Variants in GPD2 observed in about 807,000 individuals in gnomAD.
GPD2 encodes the protein glycerol-3-phosphate dehydrogenase 2.
Under a neutral mutation model 82.4 loss-of-function variants are expected in GPD2, and 54 were observed. The observed-to-expected ratio is 0.66, with a 90% CI of 0.53 to 0.82. GPD2 has a LOEUF of 0.82. Ranked by LOEUF, GPD2 falls within the 40% of genes least tolerant of loss-of-function variation. The pLI is 0.00. For missense variants in GPD2, 748 were observed against 896.2 expected, an observed-to-expected ratio of 0.83 and a Z score of 2.11; for synonymous variants, 288 against 306.1, an observed-to-expected ratio of 0.94 and a Z score of 0.62.
chr2:156,480,716 CT>C (rs1683696234), intron 2 of GPD2, among the ~76,000 whole-genome samples: 1 of 151,720 alleles, frequency 6.6e-6, no homozygotes, highest in Non-Finnish European at 1.5e-5. Flanking sequence ...TTTTTCCCCC[CT>C]GCACCATAAA....
chr2:156,420,700 A>G, the GPD2 span, among the ~76,000 whole-genome samples: 1 of 152,242 alleles, frequency 6.6e-6, no homozygotes, highest in Non-Finnish European at 1.5e-5. Flanking sequence ...CCTCCTATAA[A>G]GTCATTTACA....
At position 156,579,156 on chromosome 2, in the gene GPD2, G is replaced by T. The variant is rs1687935636; in HGVS notation, c.1951G>T (p.Val651Leu). ...GFITIVDVQR[V>L]LESINVQMDE... ...TATTACCATTGTTGATGTTCAGCGT[G>T]TATTAGAGGTAATTTTCTTTGGTTG... Residue 651 changes from valine (V) to leucine (L), a missense_variant, in exon 15 of 17, where the codon GTA becomes TTA. By Grantham distance (32) the Val-to-Leu change is conservative (BLOSUM62 1). Around this residue, in one of 3 missense-constraint regions of GPD2, gnomAD observed 692 missense variants for 809.7 expected, o/e 0.85. Coordinates refer to ENST00000438166, the MANE Select transcript of GPD2 (RefSeq NM_000408.5). 1 of 1,587,480 alleles carries T rather than the reference G, an allele frequency of 6.3e-7. No individual in the cohort carries two copies. Among genetic ancestry groups the T allele is most frequent in the African/African-American group, 1.3e-5 (1 of 74,338 alleles).
chr2:156,544,426 T>C (rs1686447771), intron 6 of GPD2, among the ~76,000 whole-genome samples: 1 of 152,174 alleles, frequency 6.6e-6, no homozygotes, highest in Non-Finnish European at 1.5e-5. Context: ...AGTGGGGCAC[T>C]GTGAGGACTC....
At chr2:156,424,999 G>GA in the GPD2 span, among the ~76,000 whole-genome samples, 3 of 150,816 alleles carry the variant, frequency 2.0e-5, no homozygotes, top group African/African-American at 7.3e-5. Context: ...TTAACACACT[G>GA]AAAAAAAACT....
At chr2:156,429,703 A>G in the GPD2 span, among the ~76,000 whole-genome samples, 57 of 152,348 alleles carry the variant, frequency 3.7e-4, no homozygotes, top group Middle Eastern at 0.01. Context: ...CAAGGATCAT[A>G]TATTTTCACT....
intron 1 of GPD2, among the ~76,000 whole-genome samples, chr2:156,465,415 G>A (rs1433083950): frequency 7.0e-6 from 1 of 142,958 alleles, no homozygotes; most frequent in African/African-American, 2.6e-5. Context: ...GTGCTGGAGT[G>A]CAGTGGTGCC....
chr2:156,433,637 T>C (rs1312394409), upstream of GPD2, among the ~76,000 whole-genome samples: 4 of 152,150 alleles, frequency 2.6e-5, no homozygotes, highest in Non-Finnish European at 5.9e-5. Context: ...ACTCTTGCAA[T>C]TCCCTTGTCT....
chr2:156,507,346 G>A (rs947434553), intron 3 of GPD2, among the ~76,000 whole-genome samples: 2 of 150,612 alleles, frequency 1.3e-5, no homozygotes, highest in African/African-American at 4.9e-5. Flanking sequence ...TTTTGAGATA[G>A]GGTCTCATTC....
chr2:156,406,003 A>G, the GPD2 span, among the ~76,000 whole-genome samples: 3 of 152,078 alleles, frequency 2.0e-5, no homozygotes, highest in Non-Finnish European at 4.4e-5. Flanking sequence ...CAGTTCAGAA[A>G]CAGAAATAGT....
intron 3 of GPD2, among the ~76,000 whole-genome samples, chr2:156,510,218 C>G (rs1292821054): frequency 6.6e-6 from 1 of 152,052 alleles, no homozygotes; most frequent in Admixed American, 6.6e-5. Flanking sequence ...AGAACTTATT[C>G]TCTTTCTTTC....
At chr2:156,512,393 C>T in intron 5 of GPD2, 76 bp downstream of exon 5, 1 of 788,632 alleles carries the variant, frequency 1.3e-6, no homozygotes, top group Non-Finnish European at 2.3e-6. Context: ...GGAAATAATC[C>T]CTCAATGCAT....
chr2:156,414,455 C>T, the GPD2 span, among the ~76,000 whole-genome samples: 1 of 152,048 alleles, frequency 6.6e-6, no homozygotes, highest in East Asian at 1.9e-4. Flanking sequence ...AAGATTAGGT[C>T]GGTTATCTGA....
chr2:156,431,885 C>CTTTT (rs34394250), upstream of GPD2, among the ~76,000 whole-genome samples: 9 of 119,948 alleles, frequency 7.5e-5, no homozygotes, highest in Admixed American at 2.7e-4. Flanking sequence ...TCTGTGAAAT[C>CTTTT]TTTTTTTTTT....
At chr2:156,569,584 A>G in intron 11 of GPD2, 46 bp downstream of exon 11, 1 of 1,420,280 alleles carries the variant, frequency 7.0e-7, no homozygotes, top group East Asian at 2.3e-5. Context: ...CTAATCTCTC[A>G]CTGCTGCCAG....
At position 156,565,068 on chromosome 2, in the gene GPD2, A is replaced by G. The variant is rs59986751; in HGVS notation, c.1166-3757A>G. 2.0e-3 allele frequency among the ~76,000 whole-genome samples: 309 copies of G among 151,178 alleles called. 2 individuals carry two copies. The highest frequency in any genetic ancestry group is 6.9e-3 in the African/African-American group (281 of 40,542). On this transcript the variant is annotated intron_variant, in intron 9 of 16. Transcript: ENST00000438166. ...TCATAGATGTGCTTTTCTGCCTGTT[A>G]TAACAGAAAAGGTAAGGCATTTGCC... is the stretch of plus-strand genomic sequence containing the variant.
At chr2:156,510,984 C>T (rs962270403) in intron 4 of GPD2, 64 bp downstream of exon 4, 74 of 1,482,574 alleles carry the variant, frequency 5.0e-5, no homozygotes, top group Non-Finnish European at 6.1e-5. Context: ...CCAATTAAAT[C>T]AGGTTTTTTT....
chr2:156,482,621 TAAAC>T (rs1683773074), intron 2 of GPD2, among the ~76,000 whole-genome samples: 1 of 152,192 alleles, frequency 6.6e-6, no homozygotes, highest in Non-Finnish European at 1.5e-5. Flanking sequence ...GGAATGCAAT[TAAAC>T]TAATTTCTTC....
chr2:156,574,128 C>T (rs767736710), intron 13 of GPD2, among the ~76,000 whole-genome samples: 9 of 151,956 alleles, frequency 5.9e-5, no homozygotes, highest in Non-Finnish European at 1.0e-4. Context: ...AGACCAAAAT[C>T]CAACCAACTT....
chr2:156,496,234 TATTTTA>T lies in GPD2; in HGVS notation c.274+27_274+32del, dbSNP rs957036499. ...ACCAGAGGTAAGTCTTTTTTTTTTT[TATTTTA>T]ATTTTAAGTTCTGGGGTACATGTGC... On this transcript the variant is annotated intron_variant, in intron 3 of 16. Coordinates refer to ENST00000438166, the MANE Select transcript of GPD2 (RefSeq NM_000408.5). 4.6e-6 allele frequency: 7 copies of T among 1,523,394 alleles called. No homozygotes were observed. The highest frequency in any genetic ancestry group is 6.4e-6 in the Non-Finnish European group (7 of 1,102,234). The allele number at this position is 1,523,394 out of a possible 1,614,324, so 94.4% of individuals were successfully genotyped here. A position where few individuals can be genotyped will look rare whatever the true frequency, so the allele number is the denominator to read the frequency against.
Sources: allele counts gnomAD v4.1 joint callset (sites outside exome capture counted in the v4.1 genomes callset), GRCh38; gene constraint gnomAD v4.1.1; regional missense constraint gnomAD v4.1.1; transcripts MANE v1.5; gene names NCBI Gene and HGNC (gene_info 2026-07-23, HGNC 2026-07-21).